ABCA4: variants seen among roughly 807,000 people sequenced by gnomAD.
ABCA4 encodes the protein retinal-specific phospholipid-transporting ATPase ABCA4.
ABCA4 carries 196 observed loss-of-function variants against 263.7 expected under a neutral mutation model. The observed-to-expected ratio is 0.74, with a 90% CI of 0.66 to 0.84. ABCA4 has a LOEUF of 0.84. ABCA4 is among the 40% of genes least tolerant of loss of function. The pLI is 0.00. For synonymous variants in ABCA4, 1,133 were observed against 1,094.2 expected (o/e 1.04, Z -0.70); for missense variants, 2,792 against 2,855.1 (o/e 0.98, Z 0.50).
intron 12 of ABCA4, 111 bp from the exon 13 acceptor site, chr1:94,062,864 G>T (rs1007853992): frequency 2.4e-6 from 3 of 1,234,766 alleles, no homozygotes; most frequent in East Asian, 2.5e-5. Flanking sequence ...TCTCCTAAAC[G>T]CTTCAAAAGG....
intron 1 of ABCA4, among the ~76,000 whole-genome samples, chr1:94,119,886 G>A (rs1411139770): frequency 6.6e-6 from 1 of 152,106 alleles, no homozygotes; most frequent in Non-Finnish European, 1.5e-5. Context: ...AACAAATACT[G>A]TTCTCTTCTC....
rs1659534696 is a variant in ABCA4, at chr1:94,011,137, C to A, written c.5584+125G>T. On this transcript the variant is annotated intron_variant, in intron 39 of 49. Coordinates refer to ENST00000370225, the MANE Select transcript of ABCA4 (RefSeq NM_000350.3). Reference sequence around the variant, plus strand: ...TAATCCTCTCCAGCTGGCAGGACACCTCCAGCCCAACAAGGTCCCCTCCTA... The same window carrying A: ...TAATCCTCTCCAGCTGGCAGGACACATCCAGCCCAACAAGGTCCCCTCCTA... 16 of 1,570,168 alleles carry A rather than the reference C, an allele frequency of 1.0e-5. No homozygotes were observed. In the Admixed American group the frequency reaches 2.7e-4, roughly 27 times the overall value.
intron 18 of ABCA4, among the ~76,000 whole-genome samples, chr1:94,048,460 C>T (rs1187917922): frequency 6.6e-6 from 1 of 152,176 alleles, no homozygotes; most frequent in Non-Finnish European, 1.5e-5. Context: ...GTAGTCAGCT[C>T]CCCTGGAGTC....
At chr1:94,108,532 A>T in intron 4 of ABCA4, 45 bp downstream of exon 4, 1 of 1,611,456 alleles carries the variant, frequency 6.2e-7, no homozygotes, top group Non-Finnish European at 8.5e-7. Flanking sequence ...CAGTCTCTCC[A>T]TAGGTGAGGG....
At chr1:94,032,085 A>G (rs1660222598) in intron 26 of ABCA4, 42 bp from the exon 27 acceptor site, 2 of 1,601,162 alleles carry the variant, frequency 1.2e-6, no homozygotes, top group African/African-American at 1.3e-5. Context: ...AAATGCCTAT[A>G]AGGTCTGGAT....
chr1:94,044,228 C>T (rs1309864477), intron 20 of ABCA4, among the ~76,000 whole-genome samples: 1 of 152,142 alleles, frequency 6.6e-6, no homozygotes, highest in East Asian at 1.9e-4. Flanking sequence ...AACTGAAAAG[C>T]CCCCTGAAAA....
chr1:94,098,256 G>C lies in ABCA4; in HGVS notation c.768+538C>G, dbSNP rs149123778. Among the ~76,000 whole-genome samples, 940 of 152,304 alleles carry C rather than the reference G, an allele frequency of 6.2e-3. 2 individuals are homozygous for C. Among genetic ancestry groups the C allele is most frequent in the South Asian group, 0.017 (84 of 4,822 alleles). Reference sequence around the variant, plus strand: ...TTTTTGAGACTATGAAACTTTCTCTGTCGTTTTTTCTCTCTAGAAACACCA... The same window carrying C: ...TTTTTGAGACTATGAAACTTTCTCTCTCGTTTTTTCTCTCTAGAAACACCA... On this transcript the variant is annotated intron_variant, in intron 6 of 49. Coordinates refer to ENST00000370225, the MANE Select transcript of ABCA4 (RefSeq NM_000350.3).
intron 6 of ABCA4, among the ~76,000 whole-genome samples, chr1:94,094,064 G>C (rs1662049489): frequency 6.6e-6 from 1 of 152,198 alleles, no homozygotes. Context: ...AGAAGTGGGA[G>C]AAATTGGAAA....
chr1:94,056,672 T>C lies in ABCA4; in HGVS notation c.2311A>G (p.Thr771Ala), dbSNP rs758090662. 1.2e-6 allele frequency: 2 copies of C among 1,613,738 alleles called. No individual in the cohort carries two copies. Among genetic ancestry groups the C allele is most frequent in the South Asian group, 2.2e-5 (2 of 91,030 alleles). Residue 771 changes from threonine (T) to alanine (A), a missense_variant, in exon 15 of 50, where the codon ACC becomes GCC. By Grantham distance (58) the Thr-to-Ala change is moderately conservative. Transcript: ENST00000370225. ...AAACSGVIYF[T>A]LYLPHILCFA... Reference sequence around the variant, plus strand: ...CACAGGATGTGTGGCAGGTAGAGGGTGAAATAGATGACACCACTACAGGCT... The same window carrying C: ...CACAGGATGTGTGGCAGGTAGAGGGCGAAATAGATGACACCACTACAGGCT...
At chr1:94,055,872 G>C (rs1185474092) in intron 15 of ABCA4, among the ~76,000 whole-genome samples, 1 of 152,218 alleles carries the variant, frequency 6.6e-6, no homozygotes, top group Admixed American at 6.5e-5. Flanking sequence ...GAGGGCAGGT[G>C]GTTGTCCCTT....
In ABCA4 at chr1:94,087,285, G is replaced by C. The variant is rs553307810; in HGVS notation, c.769-3844C>G. On this transcript the variant is annotated intron_variant, in intron 6 of 49. Coordinates refer to ENST00000370225, the MANE Select transcript of ABCA4 (RefSeq NM_000350.3). The stretch of plus-strand genomic sequence containing the variant: ...AATGTATAACATGAAGCATAAGAAA[G>C]ACCTCAAGAATAATGCACACACCAA... 2.6e-5 allele frequency among the ~76,000 whole-genome samples: 4 copies of C among 152,300 alleles called. No homozygotes were observed. In the East Asian group the frequency reaches 7.7e-4, roughly 29 times the overall value.
chr1:94,064,209 G>A (rs1455888693), intron 11 of ABCA4, among the ~76,000 whole-genome samples: 1 of 152,210 alleles, frequency 6.6e-6, no homozygotes, highest in Non-Finnish European at 1.5e-5. Flanking sequence ...CCAGAGCCTG[G>A]TCGACTCTAG....
chr1:94,062,693 C>T lies in ABCA4; in HGVS notation c.1821G>A (p.Gly607=), dbSNP rs201059645. 1.4e-5 allele frequency: 22 copies of T among 1,614,050 alleles called. No homozygotes were observed. Among genetic ancestry groups the T allele is most frequent in the Non-Finnish European group, 1.8e-5 (21 of 1,180,038 alleles). Residue 607 remains glycine, a synonymous_variant, in exon 13 of 50, where the codon GGG becomes GGA. Transcript: ENST00000370225. ...PVEDFRYIWG[G]FAYLQDMVEQ... ...CAACCATGTCCTGCAGATAGGCAAA[C>T]CCGCCCCAGATGTACCGGAAATCTT...
At chr1:94,105,587 G>C (rs899371927) in intron 4 of ABCA4, among the ~76,000 whole-genome samples, 2 of 146,306 alleles carry the variant, frequency 1.4e-5, no homozygotes, top group South Asian at 4.4e-4. Flanking sequence ...GGTTCTTCTT[G>C]TTCCCTTCCC....
intron 24 of ABCA4, among the ~76,000 whole-genome samples, chr1:94,038,793 G>A (rs945643967): frequency 6.6e-6 from 1 of 152,104 alleles, no homozygotes; most frequent in African/African-American, 2.4e-5. Flanking sequence ...ATCTGGGAGG[G>A]AGGTCTGTGA....
chr1:94,096,025 C>T (rs985611850), intron 6 of ABCA4, among the ~76,000 whole-genome samples: 4 of 152,188 alleles, frequency 2.6e-5, no homozygotes, highest in African/African-American at 9.7e-5. Flanking sequence ...AGAGAGAAAG[C>T]ATCTCCACAC....
At chr1:94,010,402 A>T (rs1468569691) in intron 40 of ABCA4, among the ~76,000 whole-genome samples, 1 of 152,134 alleles carries the variant, frequency 6.6e-6, no homozygotes, top group African/African-American at 2.4e-5. Context: ...CATGCTCCCA[A>T]ATCTCTAATT....
chr1:94,042,962 G>C, intron 21 of ABCA4, 64 bp from the exon 22 acceptor site: 1 of 1,607,420 alleles, frequency 6.2e-7, no homozygotes, highest in Non-Finnish European at 8.5e-7. Flanking sequence ...GAAAGGCCCA[G>C]GGCAAGTGGC....
rs189875073 is a variant in ABCA4 at position 94,108,971 on chromosome 1, A to T, written c.303-255T>A. On this transcript the variant is annotated intron_variant, in intron 3 of 49. Coordinates refer to ENST00000370225, the MANE Select transcript of ABCA4 (RefSeq NM_000350.3). ...ATATTTTTAGTAGAGACGGGGCTTCATCGTGTTAGCCAGGATGGTCTCGAT... is the reference window on the plus strand; with the variant it reads ...ATATTTTTAGTAGAGACGGGGCTTCTTCGTGTTAGCCAGGATGGTCTCGAT... 2.2e-3 allele frequency among the ~76,000 whole-genome samples: 331 copies of T among 152,050 alleles called. 1 individual carries two copies. Among genetic ancestry groups the T allele is most frequent in the African/African-American group, 7.7e-3 (320 of 41,470 alleles).
Sources: allele counts gnomAD v4.1 joint callset (sites outside exome capture counted in the v4.1 genomes callset), GRCh38; gene constraint gnomAD v4.1.1; transcripts MANE v1.5; gene names NCBI Gene and HGNC (gene_info 2026-07-23, HGNC 2026-07-21).